The following RAB30 variants were observed in gnomAD, a reference collection of about 807,000 sequenced individuals.
The protein encoded by RAB30 is ras-related protein Rab-30.
RAB30 carries 9 observed loss-of-function variants against 25.1 expected under a neutral mutation model. The observed-to-expected ratio is 0.36, with a 90% CI of 0.22 to 0.63. The LOEUF (loss-of-function observed/expected upper bound fraction) is 0.63. Among genes scored for constraint, RAB30 ranks in the 20% least tolerant of loss-of-function variants. The pLI is 0.69. For synonymous variants in RAB30, 77 were observed against 86.4 expected, an observed-to-expected ratio of 0.89 and a Z score of 0.60; for missense variants, 140 against 243.5, an observed-to-expected ratio of 0.58 and a Z score of 2.83.
At chr11:83,051,127 C>A (rs1292227743) in intron 1 of RAB30, among the ~76,000 whole-genome samples, 1 of 152,114 alleles carries the variant, frequency 6.6e-6, no homozygotes, top group Non-Finnish European at 1.5e-5. Context: ...AGACCTGGCC[C>A]ATGGAATCCT....
chr11:83,039,934 G>T (rs1380407225), intron 1 of RAB30, among the ~76,000 whole-genome samples: 2 of 152,160 alleles, frequency 1.3e-5, no homozygotes, highest in Admixed American at 1.3e-4. Context: ...GGAAGAGGAG[G>T]CAGTCTTTTA....
At chr11:83,016,304 T>C (rs901704589) in intron 1 of RAB30, among the ~76,000 whole-genome samples, 6 of 152,164 alleles carry the variant, frequency 3.9e-5, no homozygotes, top group Non-Finnish European at 7.3e-5. Flanking sequence ...GGACAACTTA[T>C]GTAAGTGCTT....
At chr11:83,062,892 G>C (rs1858614267) in intron 1 of RAB30, among the ~76,000 whole-genome samples, 1 of 151,708 alleles carries the variant, frequency 6.6e-6, no homozygotes, top group South Asian at 2.1e-4. Flanking sequence ...AATCCCAGCT[G>C]CTCGGTAGGC....
At chr11:83,047,668 A>G (rs1211956033) in intron 1 of RAB30, among the ~76,000 whole-genome samples, 1 of 152,208 alleles carries the variant, frequency 6.6e-6, no homozygotes, top group African/African-American at 2.4e-5. Context: ...TCCCAAAATA[A>G]ACAGCCAGCA....
Position 82,994,065 on chromosome 11 carries a change from C to A in RAB30, c.151G>T (p.Val51Leu), listed in dbSNP as rs763982612. Reference sequence around the variant, plus strand: ...TTTACTTTTTCACCATTAATCTCCACTGTCTTAATCATAAAATCAACTCCA... The same window carrying A: ...TTTACTTTTTCACCATTAATCTCCAATGTCTTAATCATAAAATCAACTCCA... ...TIGVDFMIKT[V>L]EINGEKVKLQ... is the part of the protein sequence containing the mutation. Residue 51 changes from valine to leucine, a missense_variant, in exon 3 of 5, where the codon GTG (valine) becomes TTG (leucine). Coordinates refer to ENST00000527633, the MANE Select transcript of RAB30 (RefSeq NM_001286060.2). The A allele has an allele frequency of 2.1e-5, 34 of 1,611,212 alleles. No individual in the cohort carries two copies. The highest frequency in any genetic ancestry group is 2.8e-5 in the Non-Finnish European group (33 of 1,177,476).
At chr11:83,020,968 A>T (rs889258900) in intron 1 of RAB30, among the ~76,000 whole-genome samples, 2 of 152,000 alleles carry the variant, frequency 1.3e-5, no homozygotes, top group Admixed American at 1.3e-4. Flanking sequence ...GAGAGGAGTT[A>T]CCTTCTCTGC....
chr11:83,061,523 G>A lies in RAB30; in HGVS notation c.-9+10168C>T, dbSNP rs376297759. ...TGTTCTTAGGGGATATATGCTTAAGGGCCTAGAGACAAAGCATGGCGATAT... is the reference window on the plus strand; with the variant it reads ...TGTTCTTAGGGGATATATGCTTAAGAGCCTAGAGACAAAGCATGGCGATAT... On this transcript the variant is annotated intron_variant, in intron 1 of 4. Coordinates refer to ENST00000527633, the MANE Select transcript of RAB30 (RefSeq NM_001286060.2). Among the ~76,000 whole-genome samples the A allele has an allele frequency of 2.4e-4, 36 of 152,122 alleles. No homozygotes were observed. In the East Asian group the frequency reaches 4.2e-3, roughly 18 times the overall value.
chr11:83,048,588 T>A (rs1018116816), intron 1 of RAB30, among the ~76,000 whole-genome samples: 1 of 152,198 alleles, frequency 6.6e-6, no homozygotes, highest in African/African-American at 2.4e-5. Flanking sequence ...TTTTTCTTTT[T>A]CCAATAGCCA....
intron 1 of RAB30, among the ~76,000 whole-genome samples, chr11:83,070,897 T>C (rs955338831): frequency 1.3e-5 from 2 of 152,216 alleles, no homozygotes; most frequent in Non-Finnish European, 2.9e-5. Context: ...TGACTATGCC[T>C]CAGGAAACAG....
intron 1 of RAB30, among the ~76,000 whole-genome samples, chr11:83,058,284 T>C (rs978077524): frequency 6.6e-6 from 1 of 152,214 alleles, no homozygotes; most frequent in Admixed American, 6.5e-5. Flanking sequence ...TATACTATTA[T>C]CTAATCTCAA....
intron 1 of RAB30, among the ~76,000 whole-genome samples, chr11:83,037,499 C>T (rs1051101173): frequency 2.0e-5 from 3 of 152,162 alleles, no homozygotes; most frequent in Non-Finnish European, 4.4e-5. Context: ...ATCCACTCAC[C>T]TCGGCCTCCC....
At chr11:83,003,009 C>T (rs1453686295) in intron 1 of RAB30, among the ~76,000 whole-genome samples, 3 of 152,180 alleles carry the variant, frequency 2.0e-5, no homozygotes, top group African/African-American at 7.2e-5. Context: ...TCCTTTGGGC[C>T]TTGACTTGGT....
chr11:83,011,336 T>C (rs1258056949), intron 1 of RAB30, among the ~76,000 whole-genome samples: 1 of 152,190 alleles, frequency 6.6e-6, no homozygotes, highest in Non-Finnish European at 1.5e-5. Flanking sequence ...TACAAAATCA[T>C]TTCAATTTTG....
chr11:82,992,240 C>T, intron 3 of RAB30: 1 of 450,324 alleles, frequency 2.2e-6, no homozygotes, highest in Non-Finnish European at 4.5e-6. Context: ...CCTGTCCCCA[C>T]AGCCTAGCTC....
At chr11:83,047,978 G>A (rs1717317366) in intron 1 of RAB30, among the ~76,000 whole-genome samples, 1 of 152,174 alleles carries the variant, frequency 6.6e-6, no homozygotes, top group Admixed American at 6.5e-5. Context: ...GGCTGGGCAT[G>A]CTGGCTCATA....
chr11:82,982,299 C>T lies in RAB30; in HGVS notation c.478G>A (p.Glu160Lys), dbSNP rs767894160. Residue 160 changes from glutamate (E) to lysine (K), a missense_variant, in exon 5 of 5, where the codon GAG becomes AAG. By Grantham distance (56) the Glu-to-Lys change is moderately conservative. Coordinates refer to ENST00000527633, the MANE Select transcript of RAB30 (RefSeq NM_001286060.2). ...ETSAKESDNV[E>K]KLFLDLACRL... ...CATGCTAAGTCAAGGAAGAGTTTCT[C>T]CACATTATCAGATTCCTTGGCTGAG... 1 of 1,614,230 alleles carries T rather than the reference C, an allele frequency of 6.2e-7. No homozygotes were observed. Among genetic ancestry groups the T allele is most frequent in the Admixed American group, 1.7e-5 (1 of 60,034 alleles).
intron 1 of RAB30, among the ~76,000 whole-genome samples, chr11:83,068,382 C>A (rs951402294): frequency 6.6e-6 from 1 of 152,116 alleles, no homozygotes; most frequent in Non-Finnish European, 1.5e-5. Flanking sequence ...CTCATACAGA[C>A]GACAAAAATT....
At chr11:83,009,609 TAAATAAAATA>T (rs370648736) in intron 1 of RAB30, among the ~76,000 whole-genome samples, 5,399 of 151,528 alleles carry the variant, frequency 0.036, 331 homozygotes, top group African/African-American at 0.12. Flanking sequence ...ACACCAAAAA[TAAATAAAATA>T]AAATAAAATA....
At chr11:83,064,589 T>TA (rs1260967093) in intron 1 of RAB30, among the ~76,000 whole-genome samples, 1 of 152,176 alleles carries the variant, frequency 6.6e-6, no homozygotes, top group Non-Finnish European at 1.5e-5. Flanking sequence ...AGAAAGGATA[T>TA]AAAACAACAC....
Sources: gnomAD v4.1 joint callset for allele counts (sites outside exome capture counted in the v4.1 genomes callset) on GRCh38, gnomAD v4.1.1 for gene constraint, MANE v1.5 for transcripts, NCBI Gene and HGNC (gene_info 2026-07-23, HGNC 2026-07-21) for gene names.